ALX1: variants seen among roughly 807,000 people sequenced by gnomAD.
The protein encoded by ALX1 is ALX homeobox protein 1.
A neutral mutation model predicts 31.7 loss-of-function variants in ALX1; 19 were observed. That is an observed-to-expected ratio of 0.60 (90% CI 0.42 to 0.88). The LOEUF is 0.88. ALX1 is among the 40% of genes least tolerant of loss of function. The pLI is 0.00. For synonymous variants in ALX1, 153 were observed against 148.8 expected, an observed-to-expected ratio of 1.03 and a Z score of -0.20; for missense variants, 415 against 407.8, an observed-to-expected ratio of 1.02 and a Z score of -0.15.
rs1896962806 is a variant in ALX1 at position 85,301,330 on chromosome 12, A to T, written c.836A>T (p.Asn279Ile). ...QNQFSHVPLN[N>I]FFTDSLLTGA... is the part of the protein sequence containing the mutation. ...CAGTTCAGCCACGTGCCCCTCAACA[A>T]TTTTTTCACTGACTCTCTTCTTACT... Residue 279 changes from asparagine (N) to isoleucine (I), a missense_variant, in exon 4 of 4, where the codon AAT (asparagine) becomes ATT (isoleucine). Physicochemically the swap from Asn to Ile is moderately radical, Grantham distance 149. This residue lies in a region of ALX1 where 174 missense variants were observed against 177.5 expected (regional missense o/e 0.98). Transcript: ENST00000316824. 1 of 1,613,736 alleles carries T rather than the reference A, an allele frequency of 6.2e-7. No individual in the cohort carries two copies.
chr12:85,289,894 G>A (rs1896796337), intron 3 of ALX1, among the ~76,000 whole-genome samples: 1 of 151,254 alleles, frequency 6.6e-6, no homozygotes, highest in South Asian at 2.1e-4. Flanking sequence ...ATAGGAACTT[G>A]TAATGGGAGA....
intron 2 of ALX1, 110 bp from the exon 3 acceptor site, chr12:85,286,743 T>C: frequency 9.8e-7 from 1 of 1,017,198 alleles, no homozygotes; most frequent in Non-Finnish European, 1.4e-6. Flanking sequence ...CATTTCTTTT[T>C]ACGTAATTTT....
intron 3 of ALX1, among the ~76,000 whole-genome samples, chr12:85,298,010 T>C (rs1896911661): frequency 6.6e-6 from 1 of 151,742 alleles, no homozygotes; most frequent in South Asian, 2.1e-4. Flanking sequence ...TAACTTTGTA[T>C]TAAGGACTTA....
At chr12:85,285,662 G>T (rs1896738389) in intron 2 of ALX1, among the ~76,000 whole-genome samples, 1 of 151,920 alleles carries the variant, frequency 6.6e-6, no homozygotes, top group Admixed American at 6.6e-5. Context: ...AGATATACAA[G>T]ATTAGAATTG....
At chr12:85,295,782 C>T (rs1896879634) in intron 3 of ALX1, among the ~76,000 whole-genome samples, 1 of 151,320 alleles carries the variant, frequency 6.6e-6, no homozygotes, top group Non-Finnish European at 1.5e-5. Context: ...ATGTTGGTGG[C>T]AGGAGATAGG....
intron 3 of ALX1, among the ~76,000 whole-genome samples, chr12:85,291,231 C>A (rs2137385305): frequency 6.6e-6 from 1 of 151,058 alleles, no homozygotes; most frequent in Non-Finnish European, 1.5e-5. Context: ...AGTTATTTGC[C>A]TTTCAAAACA....
chr12:85,291,953 T>C (rs1896824240), intron 3 of ALX1, among the ~76,000 whole-genome samples: 1 of 151,118 alleles, frequency 6.6e-6, no homozygotes, highest in South Asian at 2.1e-4. Flanking sequence ...GAATTTACCA[T>C]GAGGAACAGT....
chr12:85,280,377 C>T lies in ALX1; in HGVS notation c.116C>T (p.Ser39Phe). 1.2e-6 allele frequency: 2 copies of T among 1,613,916 alleles called. No individual in the cohort carries two copies. The highest frequency in any genetic ancestry group is 2.2e-5 in the East Asian group (1 of 44,852). Reference protein sequence around the residue: ...EHVMETLDNESFYSKASAGKC... With the variant: ...EHVMETLDNEFFYSKASAGKC... ...GTTATGGAGACGCTGGACAATGAGTCCTTTTACAGCAAAGCGTCTGCAGGC... is the reference window on the plus strand; with the variant it reads ...GTTATGGAGACGCTGGACAATGAGTTCTTTTACAGCAAAGCGTCTGCAGGC... The change falls in exon 1 of 4, where the codon TCC becomes TTC. Residue 39 changes from serine (S) to phenylalanine (F), a missense_variant. Around this residue, in one of 3 missense-constraint regions of ALX1, gnomAD observed 235 missense variants for 208.9 expected, o/e 1.13. Coordinates refer to ENST00000316824, the MANE Select transcript of ALX1 (RefSeq NM_006982.3).
intron 3 of ALX1, among the ~76,000 whole-genome samples, chr12:85,297,372 T>G (rs1896903965): frequency 6.6e-6 from 1 of 151,680 alleles, no homozygotes. Context: ...ATATGAGGAA[T>G]GGTTAAAAGC....
intron 3 of ALX1, among the ~76,000 whole-genome samples, chr12:85,292,211 T>C (rs1211914918): frequency 1.3e-5 from 2 of 151,114 alleles, no homozygotes; most frequent in African/African-American, 4.8e-5. Context: ...AAATTTACTA[T>C]GTAGGGATCT....
At chr12:85,282,517 G>T (rs1016007119) in intron 1 of ALX1, among the ~76,000 whole-genome samples, 3 of 146,158 alleles carry the variant, frequency 2.1e-5, no homozygotes, top group Admixed American at 2.0e-4. Context: ...ATACATTATG[G>T]GGGTAATTTT....
At chr12:85,284,645 A>G (rs1896724940) in intron 2 of ALX1, among the ~76,000 whole-genome samples, 1 of 152,148 alleles carries the variant, frequency 6.6e-6, no homozygotes, top group African/African-American at 2.4e-5. Flanking sequence ...TAATTTGAGA[A>G]AGAAAAATCA....
intron 3 of ALX1, among the ~76,000 whole-genome samples, chr12:85,289,734 T>C (rs183426181): frequency 1.3e-5 from 2 of 151,446 alleles, no homozygotes; most frequent in East Asian, 1.9e-4. Context: ...CTCCCCACTG[T>C]AGATACTGGA....
In ALX1 at chr12:85,301,457, T is replaced by C; in HGVS notation, c.963T>C (p.Asn321=). 1 of 1,614,024 alleles carries C rather than the reference T, an allele frequency of 6.2e-7. No individual in the cohort carries two copies. The highest frequency in any genetic ancestry group is 1.3e-5 in the African/African-American group (1 of 75,050). The change falls in exon 4 of 4, where the codon AAT becomes AAC. Residue 321 remains asparagine (N), a synonymous_variant. Transcript: ENST00000316824. ...TGAAAGCCAAGGAGCACACCGCCAATATTTCATGGGCCATGTAACATACAG... is the reference window on the plus strand; with the variant it reads ...TGAAAGCCAAGGAGCACACCGCCAACATTTCATGGGCCATGTAACATACAG... ...LRMKAKEHTA[N]ISWAM
intron 2 of ALX1, among the ~76,000 whole-genome samples, chr12:85,286,250 T>A (rs550946199): frequency 2.6e-5 from 4 of 151,944 alleles, no homozygotes; most frequent in Non-Finnish European, 5.9e-5. Context: ...GTCATGCTTA[T>A]TATAATATGT....
chr12:85,283,611 A>G lies in ALX1; in HGVS notation c.266A>G (p.His89Arg), dbSNP rs75478848. Residue 89 changes from histidine (H) to arginine (R), a missense_variant, in exon 2 of 4, where the codon CAC becomes CGC. By Grantham distance (29) the His-to-Arg change is conservative. Coordinates refer to ENST00000316824, the MANE Select transcript of ALX1 (RefSeq NM_006982.3). ...GITKVEGQPLHTELNRAMDNC... is the reference protein window; with the variant it reads ...GITKVEGQPLRTELNRAMDNC... The stretch of plus-strand genomic sequence containing the variant: ...ACTAAAGTAGAAGGACAGCCCCTTC[A>G]CACCGAACTGAATAGAGCTATGGAC... 1.8e-3 allele frequency: 2,844 copies of G among 1,614,108 alleles called. 49 individuals are homozygous for G. The African/African-American group carries it at 0.034, about 19-fold the overall frequency.
intron 2 of ALX1, among the ~76,000 whole-genome samples, 181 bp from the exon 3 acceptor site, chr12:85,286,672 C>G (rs1896751001): frequency 6.6e-6 from 1 of 151,870 alleles, no homozygotes; most frequent in African/African-American, 2.4e-5. Flanking sequence ...ATGGGAAAAT[C>G]ACTTACCACA....
chr12:85,290,346 C>A (rs1217850806), intron 3 of ALX1, among the ~76,000 whole-genome samples: 1 of 151,118 alleles, frequency 6.6e-6, no homozygotes, highest in Admixed American at 6.6e-5. Context: ...GTTTTCTGAG[C>A]TCAGGAGCCC....
At chr12:85,297,182 A>C (rs937088777) in intron 3 of ALX1, among the ~76,000 whole-genome samples, 2 of 151,796 alleles carry the variant, frequency 1.3e-5, no homozygotes, top group Admixed American at 1.3e-4. Flanking sequence ...GTTTAATCAG[A>C]TCTAGATGGC....
Sources: gnomAD v4.1 joint callset for allele counts (sites outside exome capture counted in the v4.1 genomes callset) on GRCh38, gnomAD v4.1.1 for gene constraint, gnomAD v4.1.1 regional missense constraint, MANE v1.5 for transcripts, NCBI Gene and HGNC (gene_info 2026-07-23, HGNC 2026-07-21) for gene names.